The following DAB1 variants were observed in gnomAD, a reference collection of about 807,000 sequenced individuals.
DAB1 encodes disabled homolog 1.
A neutral mutation model predicts 64.6 loss-of-function variants in DAB1; 15 were observed. The ratio of observed to expected loss-of-function variants is 0.23; its 90% CI spans 0.16 to 0.36. The LOEUF (loss-of-function observed/expected upper bound fraction) is 0.36. Ranked by LOEUF, DAB1 falls within the 10% of genes least tolerant of loss-of-function variation. The pLI is 1.00. For synonymous variants in DAB1, 235 were observed against 251.9 expected, an observed-to-expected ratio of 0.93 and a Z score of 0.64; for missense variants, 596 against 706.7, an observed-to-expected ratio of 0.84 and a Z score of 1.78.
chr1:57,132,783 C>A (rs1422379826), intron 4 of DAB1, among the ~76,000 whole-genome samples: 1 of 152,000 alleles, frequency 6.6e-6, no homozygotes, highest in Non-Finnish European at 1.5e-5. Flanking sequence ...ACGAAGCAGC[C>A]CCAGTTGTAA....
rs1420427359 is a variant in DAB1, at chr1:57,015,173, G to T, written c.1154C>A (p.Thr385Asn). ...CGTGCCTGGGACGGTGGCAAGGGGG[G>T]TGAGGGGACCTTGGAACATGGCAGC... ...LPAAMFQGPL[T>N]PLATVPGTSD... The change falls in exon 12 of 15, where the codon ACC becomes AAC. Residue 385 changes from threonine to asparagine, a missense_variant. Around this residue, in one of 3 missense-constraint regions of DAB1, gnomAD observed 377 missense variants for 400.4 expected, o/e 0.94. Coordinates refer to ENST00000371236, the MANE Select transcript of DAB1 (RefSeq NM_001365792.1). 2 of 1,614,032 alleles carry T rather than the reference G, an allele frequency of 1.2e-6. No homozygotes were observed. The highest frequency in any genetic ancestry group is 1.7e-6 in the Non-Finnish European group (2 of 1,180,032).
chr1:57,256,074 C>G (rs1422421300), intron 2 of DAB1, among the ~76,000 whole-genome samples: 3 of 152,194 alleles, frequency 2.0e-5, no homozygotes, highest in Non-Finnish European at 4.4e-5. Context: ...CGTTACTTCC[C>G]ATGCTGGATA....
At chr1:57,606,393 C>T (rs368292962) in intron 7 of DAB1, among the ~76,000 whole-genome samples, 12 of 84,318 alleles carry the variant, frequency 1.4e-4, no homozygotes, top group Non-Finnish European at 2.0e-4. Flanking sequence ...TATATATATA[C>T]ACATTATATT....
intron 6 of DAB1, among the ~76,000 whole-genome samples, chr1:57,789,465 A>T (rs568566053): frequency 2.0e-5 from 3 of 152,144 alleles, no homozygotes; most frequent in Non-Finnish European, 4.4e-5. Flanking sequence ...GGAGGCTAGA[A>T]TTCCTAGATC....
chr1:57,721,275 C>A (rs2101758836), intron 6 of DAB1, among the ~76,000 whole-genome samples: 1 of 152,270 alleles, frequency 6.6e-6, no homozygotes, highest in South Asian at 2.1e-4. Flanking sequence ...ATACGGTTGC[C>A]TGCAGTTGAA....
chr1:58,292,779 C>T (rs576329091), intron 4 of DAB1, among the ~76,000 whole-genome samples: 1 of 152,190 alleles, frequency 6.6e-6, no homozygotes, highest in African/African-American at 2.4e-5. Context: ...ATTGGTGGAC[C>T]ATGTTGAAAT....
chr1:57,729,244 G>A (rs888020528), intron 6 of DAB1, among the ~76,000 whole-genome samples: 9 of 152,192 alleles, frequency 5.9e-5, no homozygotes, highest in Non-Finnish European at 1.3e-4. Flanking sequence ...TGCAGAATGC[G>A]CCAGATCTGG....
At chr1:58,464,759 TGGA>T (rs1645277808) in intron 3 of DAB1, among the ~76,000 whole-genome samples, 1 of 152,194 alleles carries the variant, frequency 6.6e-6, no homozygotes, top group Non-Finnish European at 1.5e-5. Context: ...GCAGGCTTCT[TGGA>T]GGAGGAGACG....
At chr1:57,704,306 T>G (rs919583456) in intron 6 of DAB1, among the ~76,000 whole-genome samples, 2 of 152,200 alleles carry the variant, frequency 1.3e-5, no homozygotes, top group African/African-American at 2.4e-5. Context: ...TTCTAAGGGC[T>G]AGGCACTCTC....
intron 4 of DAB1, among the ~76,000 whole-genome samples, chr1:58,211,983 T>C (rs1658574793): frequency 6.6e-6 from 1 of 152,122 alleles, no homozygotes; most frequent in South Asian, 2.1e-4. Flanking sequence ...ACAAAATAGC[T>C]GTGATCCCCT....
chr1:57,603,084 T>C (rs1471523646), intron 7 of DAB1, among the ~76,000 whole-genome samples: 1 of 152,170 alleles, frequency 6.6e-6, no homozygotes, highest in African/African-American at 2.4e-5. Context: ...GCGAGTCTCC[T>C]GCCTCAGCCT....
At chr1:57,393,320 T>TAATAAAA (rs1558300209) in intron 1 of DAB1, among the ~76,000 whole-genome samples, 8 of 152,316 alleles carry the variant, frequency 5.3e-5, no homozygotes, top group Admixed American at 2.0e-4. Context: ...TTTGGTTTTT[T>TAATAAAA]CACTTCAGCA....
chr1:58,086,961 T>C (rs566268899), intron 5 of DAB1, among the ~76,000 whole-genome samples: 1 of 152,260 alleles, frequency 6.6e-6, no homozygotes, highest in South Asian at 2.1e-4. Flanking sequence ...GAGGTCCTTA[T>C]GGAATAACGG....
chr1:57,067,123 CAGG>C (rs924826193), intron 8 of DAB1, among the ~76,000 whole-genome samples: 3 of 152,136 alleles, frequency 2.0e-5, no homozygotes, highest in Non-Finnish European at 4.4e-5. Context: ...ACTGGCAGAG[CAGG>C]AGAAGAGAAT....
chr1:58,071,093 C>T lies in DAB1; in HGVS notation n.387+79418G>A, dbSNP rs1436040015. Among the ~76,000 whole-genome samples, 5 of 152,052 alleles carry T rather than the reference C, an allele frequency of 3.3e-5. No individual in the cohort carries two copies. The East Asian group carries it at 9.7e-4, about 29-fold the overall frequency. Reference sequence around the variant, plus strand: ...TGTGGGAGTGGGGAGTAGAACAGAGCTCTGGGGACACCAAGATGGGCCTTT... The same window carrying T: ...TGTGGGAGTGGGGAGTAGAACAGAGTTCTGGGGACACCAAGATGGGCCTTT... On this transcript the variant is annotated intron_variant and non_coding_transcript_variant, in intron 5 of 20. Coordinates refer to the DAB1 transcript ENST00000485760.
intron 7 of DAB1, among the ~76,000 whole-genome samples, chr1:57,500,712 T>C (rs1027405941): frequency 6.6e-6 from 1 of 152,306 alleles, no homozygotes; most frequent in East Asian, 1.9e-4. Context: ...AAAATCCAGC[T>C]CTTTGCCACT....
At chr1:57,562,652 G>A (rs1454155183) in intron 7 of DAB1, among the ~76,000 whole-genome samples, 1 of 152,206 alleles carries the variant, frequency 6.6e-6, no homozygotes, top group Non-Finnish European at 1.5e-5. Flanking sequence ...AAGGATGGAA[G>A]TGGAAGTGGC....
At chr1:57,233,471 C>T (rs1667855355) in intron 2 of DAB1, among the ~76,000 whole-genome samples, 1 of 151,702 alleles carries the variant, frequency 6.6e-6, no homozygotes, top group South Asian at 2.1e-4. Flanking sequence ...TATTTTAAAC[C>T]TGCTGCAGGC....
At chr1:58,535,489 G>A (rs1352455786) in intron 1 of DAB1, among the ~76,000 whole-genome samples, 1 of 151,770 alleles carries the variant, frequency 6.6e-6, no homozygotes, top group East Asian at 1.9e-4. Context: ...CCAGCTACTC[G>A]GGAGGCTGAG....
Sources: gnomAD v4.1 joint callset for allele counts (sites outside exome capture counted in the v4.1 genomes callset) on GRCh38, gnomAD v4.1.1 for gene constraint, gnomAD v4.1.1 regional missense constraint, MANE v1.5 for transcripts, NCBI Gene and HGNC (gene_info 2026-07-23, HGNC 2026-07-21) for gene names.